The following DNER variants were observed in gnomAD, a reference collection of about 807,000 sequenced individuals.
DNER encodes delta and Notch-like epidermal growth factor-related receptor.
Under a neutral mutation model 78.2 loss-of-function variants are expected in DNER, and 33 were observed. The ratio of observed to expected loss-of-function variants is 0.42; its 90% confidence interval spans 0.32 to 0.56. The LOEUF is 0.56. DNER is among the 20% of genes least tolerant of loss of function. DNER has a pLI of 0.11. For missense variants in DNER, 918 were observed against 975.3 expected (o/e 0.94, Z 0.78); for synonymous variants, 417 against 384.8 (o/e 1.08, Z -0.98).
intron 9 of DNER, among the ~76,000 whole-genome samples, chr2:229,415,756 C>T (rs1245994262): frequency 6.6e-6 from 1 of 152,130 alleles, no homozygotes; most frequent in East Asian, 1.9e-4. Context: ...CAATGTCTTT[C>T]TTTTGCCCTC....
chr2:229,394,571 T>A (rs1656331875), intron 10 of DNER, among the ~76,000 whole-genome samples: 1 of 152,206 alleles, frequency 6.6e-6, no homozygotes, highest in Non-Finnish European at 1.5e-5. Flanking sequence ...CACTTCTATG[T>A]GGAGTGGTGT....
intron 7 of DNER, among the ~76,000 whole-genome samples, chr2:229,454,265 A>G (rs966627421): frequency 6.6e-6 from 1 of 152,234 alleles, no homozygotes; most frequent in Non-Finnish European, 1.5e-5. Flanking sequence ...GTTAACTGAT[A>G]AAATTAATAG....
chr2:229,524,104 G>A (rs531485032), intron 5 of DNER, among the ~76,000 whole-genome samples: 5 of 152,302 alleles, frequency 3.3e-5, no homozygotes, highest in South Asian at 4.1e-4. Flanking sequence ...ACCAAGGTCC[G>A]CCAGCTCGTA....
rs116640166 is a variant in DNER, at chr2:229,506,106, G to A, written c.1147+6677C>T. Among the ~76,000 whole-genome samples the A allele has an allele frequency of 8.4e-3, 1,285 of 152,250 alleles. 15 individuals carry two copies. Among genetic ancestry groups the A allele is most frequent in the African/African-American group, 0.029 (1,206 of 41,530 alleles). On this transcript the variant is annotated intron_variant, in intron 6 of 12. Transcript: ENST00000341772. The stretch of plus-strand genomic sequence containing the variant: ...AACTGTTTTGGGGTTGTATTAGTCT[G>A]TTCTCATGCTGCTATGAAGAAATAC...
intron 4 of DNER, among the ~76,000 whole-genome samples, chr2:229,551,002 G>A (rs2154213333): frequency 6.6e-6 from 1 of 152,216 alleles, no homozygotes; most frequent in South Asian, 2.1e-4. Context: ...CTAAGGTGTT[G>A]CACACTCCTA....
At chr2:229,666,502 C>T (rs542570591) in intron 1 of DNER, among the ~76,000 whole-genome samples, 1 of 152,312 alleles carries the variant, frequency 6.6e-6, no homozygotes, top group South Asian at 2.1e-4. Flanking sequence ...CTGAGCTTCA[C>T]AGCAACCTAG....
At chr2:229,654,804 GC>G (rs1698885811) in intron 1 of DNER, among the ~76,000 whole-genome samples, 1 of 152,080 alleles carries the variant, frequency 6.6e-6, no homozygotes, top group Non-Finnish European at 1.5e-5. Flanking sequence ...CTGAAATTCA[GC>G]CCATACACTT....
intron 7 of DNER, among the ~76,000 whole-genome samples, chr2:229,467,480 G>A (rs1574856349): frequency 6.6e-6 from 1 of 152,238 alleles, no homozygotes; most frequent in East Asian, 1.9e-4. Flanking sequence ...CTTGGGCCTG[G>A]GTCTCTCTGT....
At chr2:229,435,195 A>G (rs1206147812) in intron 8 of DNER, among the ~76,000 whole-genome samples, 2 of 152,198 alleles carry the variant, frequency 1.3e-5, no homozygotes, top group East Asian at 1.9e-4. Flanking sequence ...GAACCCTACA[A>G]TCGTGGGAAG....
intron 11 of DNER, among the ~76,000 whole-genome samples, chr2:229,368,481 T>C (rs1173854913): frequency 2.0e-5 from 3 of 152,108 alleles, no homozygotes; most frequent in Admixed American, 2.0e-4. Context: ...ATCTAAATAT[T>C]TAACACTCAG....
At chr2:229,551,380 T>TGC (rs201187244) in intron 4 of DNER, among the ~76,000 whole-genome samples, 19,219 of 152,256 alleles carry the variant, frequency 0.13, 1,381 homozygotes, top group Middle Eastern at 0.21. Context: ...ACGCCTGTAA[T>TGC]CTCAGCACTT....
intron 1 of DNER, among the ~76,000 whole-genome samples, chr2:229,596,954 C>T (rs904779680): frequency 6.6e-6 from 1 of 151,926 alleles, no homozygotes; most frequent in African/African-American, 2.4e-5. Context: ...CATGCACATG[C>T]ACGCATATAC....
chr2:229,697,861 A>G (rs1024577116), intron 1 of DNER, among the ~76,000 whole-genome samples: 3 of 152,172 alleles, frequency 2.0e-5, no homozygotes, highest in African/African-American at 7.2e-5. Context: ...CCTGCCTCCA[A>G]CTGAGGAAGG....
chr2:229,686,107 G>C (rs1699478480), intron 1 of DNER, among the ~76,000 whole-genome samples: 1 of 152,072 alleles, frequency 6.6e-6, no homozygotes. Flanking sequence ...ATTGGAGAGG[G>C]AGCTGGATTT....
rs139420520 is a variant in DNER, at chr2:229,381,085, T to C, written c.1855+7180A>G. On this transcript the variant is annotated intron_variant, in intron 11 of 12. Transcript: ENST00000341772. Reference sequence around the variant, plus strand: ...CAACTGAGGTAGCTGGCTCATCTCATTGAGACTGGTTAGACAGTGGGTACA... The same window carrying C: ...CAACTGAGGTAGCTGGCTCATCTCACTGAGACTGGTTAGACAGTGGGTACA... Among the ~76,000 whole-genome samples, 675 of 152,162 alleles carry C rather than the reference T, an allele frequency of 4.4e-3. 10 individuals carry two copies. Among genetic ancestry groups the C allele is most frequent in the African/African-American group, 0.016 (645 of 41,518 alleles).
chr2:229,658,200 G>A (rs1001171722), intron 1 of DNER, among the ~76,000 whole-genome samples: 2 of 152,180 alleles, frequency 1.3e-5, no homozygotes, highest in Non-Finnish European at 2.9e-5. Context: ...GGTGATATCT[G>A]ACTTTATTCA....
At chr2:229,619,941 C>T (rs193237175) in intron 1 of DNER, among the ~76,000 whole-genome samples, 7 of 152,316 alleles carry the variant, frequency 4.6e-5, no homozygotes, top group Non-Finnish European at 8.8e-5. Flanking sequence ...TCCATCCTCA[C>T]CTTTGTTTTT....
intron 1 of DNER, among the ~76,000 whole-genome samples, chr2:229,708,273 A>C (rs1247899887): frequency 2.6e-5 from 4 of 152,194 alleles, no homozygotes; most frequent in Admixed American, 2.6e-4. Flanking sequence ...AACCCTAGTC[A>C]TACAGTAGAA....
intron 6 of DNER, among the ~76,000 whole-genome samples, chr2:229,511,138 T>C (rs1295299387): frequency 6.6e-6 from 1 of 152,192 alleles, no homozygotes; most frequent in East Asian, 1.9e-4. Flanking sequence ...TTTCTTACAA[T>C]GAGTACTTAA....
Sources: allele counts gnomAD v4.1 joint callset (sites outside exome capture counted in the v4.1 genomes callset), GRCh38; gene constraint gnomAD v4.1.1; transcripts MANE v1.5; gene names NCBI Gene and HGNC (gene_info 2026-07-23, HGNC 2026-07-21).